The following PMS2 variants were observed in gnomAD, a reference collection of about 807,000 sequenced individuals.
The protein encoded by PMS2 is mismatch repair endonuclease PMS2.
PMS2 carries 69 observed loss-of-function variants against 90.0 expected under a neutral mutation model. The ratio of observed to expected loss-of-function variants is 0.77; its 90% confidence interval spans 0.63 to 0.94. The LOEUF (loss-of-function observed/expected upper bound fraction) is 0.94. Among genes scored for constraint, PMS2 ranks in the 40% least tolerant of loss-of-function variants. The pLI is 0.00. For synonymous variants in PMS2, 332 were observed against 375.1 expected (o/e 0.89, Z 1.33); for missense variants, 966 against 1,040.2 (o/e 0.93, Z 0.98).
At position 6,002,366 on chromosome 7, in the gene PMS2, A is replaced by G; in HGVS notation, c.537+87T>C. 8 of 868,380 alleles carry G rather than the reference A, an allele frequency of 9.2e-6. No homozygotes were observed. In the South Asian group the frequency reaches 1.1e-4, roughly 12 times the overall value. 53.8% of individuals were successfully genotyped at this position (868,380 alleles called of 1,614,324 possible). A position where few individuals can be genotyped will look rare whatever the true frequency, so the allele number is the denominator to read the frequency against. Reference sequence around the variant, plus strand: ...TTTCTCAATAATTTATGGGAAGAGAATCAACTGAAGAATAAACATCTTTAG... The same window carrying G: ...TTTCTCAATAATTTATGGGAAGAGAGTCAACTGAAGAATAAACATCTTTAG... On this transcript the variant is annotated intron_variant, in intron 5 of 14. Transcript: ENST00000265849.
rs1280423254 is a variant in PMS2, at chr7:6,002,477, C to T, written c.513G>A (p.Lys171=). Residue 171 remains lysine, a synonymous_variant, in exon 5 of 15, where the codon AAG becomes AAA. Transcript: ENST00000265849. ...CCTTCTTAATATTCCTTTGAAATTCCTTATGGCGCACAGGTAGTGTGGAAA... is the reference window on the plus strand; with the variant it reads ...CCTTCTTAATATTCCTTTGAAATTCTTTATGGCGCACAGGTAGTGTGGAAA... ...QLFSTLPVRH[K]EFQRNIKKEY... 1.9e-6 allele frequency: 3 copies of T among 1,610,990 alleles called. No homozygotes were observed. In the Admixed American group the frequency reaches 5.0e-5, roughly 27 times the overall value.
intron 8 of PMS2, among the ~76,000 whole-genome samples, chr7:5,994,365 G>A (rs759156396): frequency 1.4e-4 from 21 of 150,908 alleles, no homozygotes; most frequent in Non-Finnish European, 2.2e-4. Context: ...TGGCCAACAG[G>A]GCGAGACTCC....
At chr7:5,980,966 G>A (rs1469971097) in intron 12 of PMS2, among the ~76,000 whole-genome samples, 4 of 151,672 alleles carry the variant, frequency 2.6e-5, no homozygotes, top group Non-Finnish European at 5.9e-5. Context: ...AGAGTACTCA[G>A]CAAACTACAC....
At position 5,973,554 on chromosome 7, in the gene PMS2, A is replaced by T. The variant is rs1781513491; in HGVS notation, c.2446-12T>A. 2.0e-6 allele frequency: 1 copy of T among 505,268 alleles called. No homozygotes were observed. Among genetic ancestry groups the T allele is most frequent in the East Asian group, 3.6e-5 (1 of 27,728 alleles). 31.3% of individuals were successfully genotyped at this position (505,268 alleles called of 1,614,324 possible). A position where few individuals can be genotyped will look rare whatever the true frequency, so the allele number is the denominator to read the frequency against. ...GTCCCAATCATCACCTGAGTGTGAG[A>T]CACAATGGTTCAACGTTTTAGTAGT... On this transcript the variant is annotated splice_polypyrimidine_tract_variant and intron_variant, in intron 14 of 14. Transcript: ENST00000265849.
Position 5,987,170 on chromosome 7 carries a change from T to C in PMS2, c.1595A>G (p.His532Arg), listed in dbSNP as rs1554297505. The change falls in exon 11 of 15, where the codon CAT (histidine) becomes CGT (arginine). Residue 532 changes from histidine to arginine, a missense_variant. Transcript: ENST00000265849. ...SSPGDRGSQEHVDSQEKAPKT... is the reference protein window; with the variant it reads ...SSPGDRGSQERVDSQEKAPKT... ...AGGCGCTTTCTCCTGAGAGTCCACATGTTCCTGCGAGCCCCTGTCCCCTGG... is the reference window on the plus strand; with the variant it reads ...AGGCGCTTTCTCCTGAGAGTCCACACGTTCCTGCGAGCCCCTGTCCCCTGG... 3.1e-6 allele frequency: 5 copies of C among 1,614,006 alleles called. No individual in the cohort carries two copies. The highest frequency in any genetic ancestry group is 4.2e-6 in the Non-Finnish European group (5 of 1,179,940).
At position 6,009,008 on chromosome 7, in the gene PMS2, A is replaced by C. The variant is rs776136427; in HGVS notation, c.12T>G (p.Ala4=). The C allele has an allele frequency of 6.8e-6, 11 of 1,612,462 alleles. No individual in the cohort carries two copies. In the African/African-American group the frequency reaches 1.2e-4, roughly 18 times the overall value. The change falls in exon 1 of 15, where the codon GCT becomes GCG. Residue 4 remains alanine (A), a synonymous_variant. Coordinates refer to ENST00000265849, the MANE Select transcript of PMS2 (RefSeq NM_000535.7). The part of the protein sequence containing the change: MER[A]ESSSTEPAKA... ...CGAGCCCCGCTCACCTCGAGCTCTCAGCTCGCTCCATGGATGCAACACCCG... is the reference window on the plus strand; with the variant it reads ...CGAGCCCCGCTCACCTCGAGCTCTCCGCTCGCTCCATGGATGCAACACCCG...
chr7:5,995,187 A>G (rs2881030), intron 8 of PMS2, among the ~76,000 whole-genome samples: 88,383 of 151,354 alleles, frequency 0.58, 26,550 homozygotes, highest in East Asian at 0.79. Flanking sequence ...ACAGGCGTGG[A>G]ACACCATGCC....
rs730881908 is a variant in PMS2 at position 5,999,166 on chromosome 7, C to A, written c.647G>T (p.Cys216Phe). Residue 216 changes from cysteine to phenylalanine, a missense_variant, in exon 6 of 15, where the codon TGC becomes TTC. By Grantham distance (205) the Cys-to-Phe change is radical. Transcript: ENST00000265849. ...LGQGKRQPVVCTGGSPSIKEN... is the reference protein window; with the variant it reads ...LGQGKRQPVVFTGGSPSIKEN... ...CTTTATGCTGGGGCTTCCACCTGTGCATACCACAGGCTGTCGTTTTCCTTG... is the reference window on the plus strand; with the variant it reads ...CTTTATGCTGGGGCTTCCACCTGTGAATACCACAGGCTGTCGTTTTCCTTG... 7 of 1,613,948 alleles carry A rather than the reference C, an allele frequency of 4.3e-6. No individual in the cohort carries two copies. The highest frequency in any genetic ancestry group is 5.9e-6 in the Non-Finnish European group (7 of 1,179,960).
intron 9 of PMS2, among the ~76,000 whole-genome samples, chr7:5,990,389 C>A (rs571571295): frequency 6.6e-6 from 1 of 152,136 alleles, no homozygotes; most frequent in Non-Finnish European, 1.5e-5. Flanking sequence ...AAAAACATTA[C>A]AGTGTCCAGG....
chr7:6,000,919 A>G (rs908044992), intron 5 of PMS2, among the ~76,000 whole-genome samples: 4 of 152,172 alleles, frequency 2.6e-5, no homozygotes, highest in African/African-American at 4.8e-5. Flanking sequence ...TGAACCCAGG[A>G]GGTGGAGGTT....
In PMS2 at chr7:5,973,330, A is replaced by G; in HGVS notation, c.*69T>C. The G allele has an allele frequency of 7.5e-7, 1 of 1,335,602 alleles. No homozygotes were observed. Among genetic ancestry groups the G allele is most frequent in the Non-Finnish European group, 1.0e-6 (1 of 954,166 alleles). The allele number at this position is 1,335,602 out of a possible 1,614,324, so 82.7% of individuals were successfully genotyped here. A position where few individuals can be genotyped will look rare whatever the true frequency, so the allele number is the denominator to read the frequency against. On this transcript the variant is annotated 3_prime_UTR_variant, in exon 15 of 15. Transcript: ENST00000265849. ...GGTTCATTTTAAAACAAAAAAGGTTAGTGAAGACTCTGTCTTTCAAAACAT... is the reference window on the plus strand; with the variant it reads ...GGTTCATTTTAAAACAAAAAAGGTTGGTGAAGACTCTGTCTTTCAAAACAT...
chr7:6,000,580 T>C (rs922023021), intron 5 of PMS2, among the ~76,000 whole-genome samples: 3 of 152,114 alleles, frequency 2.0e-5, no homozygotes, highest in Non-Finnish European at 4.4e-5. Flanking sequence ...CTCTGACAAA[T>C]AGAAGTTCTA....
intron 2 of PMS2, chr7:6,004,272 CT>C (rs200703702): frequency 2.2e-4 from 93 of 431,936 alleles, no homozygotes; most frequent in Middle Eastern, 6.5e-4. Flanking sequence ...TTTCTTTCCT[CT>C]TTTTTTTTCC....
intron 5 of PMS2, among the ~76,000 whole-genome samples, chr7:5,999,857 G>T (rs2128805398): frequency 6.6e-6 from 1 of 152,196 alleles, no homozygotes; most frequent in East Asian, 1.9e-4. Flanking sequence ...CTCTCCTTTT[G>T]AAATGTATCT....
At chr7:6,000,554 T>A (rs1239783838) in intron 5 of PMS2, among the ~76,000 whole-genome samples, 1 of 152,126 alleles carries the variant, frequency 6.6e-6, no homozygotes, top group African/African-American at 2.4e-5. Flanking sequence ...ATATACAAAC[T>A]GTAAATAACA....
intron 7 of PMS2, among the ~76,000 whole-genome samples, chr7:5,996,584 A>ACAAAC (rs200801067): frequency 3.3e-4 from 32 of 97,650 alleles, no homozygotes; most frequent in African/African-American, 1.6e-3. Context: ...AGCTAAAAAA[A>ACAAAC]AAAAAAATAT....
intron 4 of PMS2, chr7:6,003,478 C>A: frequency 3.5e-6 from 2 of 566,252 alleles, no homozygotes; most frequent in Non-Finnish European, 6.2e-6. Flanking sequence ...TAAGGGTAAC[C>A]ATCTTTTTAA....
chr7:6,000,418 A>G (rs573286698), intron 5 of PMS2, among the ~76,000 whole-genome samples: 2 of 151,750 alleles, frequency 1.3e-5, no homozygotes, highest in South Asian at 2.1e-4. Context: ...TCAACCACAT[A>G]CAATTCTGTA....
At chr7:6,007,097 AT>A in intron 1 of PMS2, among the ~76,000 whole-genome samples, 1 of 147,780 alleles carries the variant, frequency 6.8e-6, no homozygotes, top group Non-Finnish European at 1.5e-5. Flanking sequence ...CATTATTATT[AT>A]TATTATTATT....
Sources: allele counts gnomAD v4.1 joint callset (sites outside exome capture counted in the v4.1 genomes callset), GRCh38; gene constraint gnomAD v4.1.1; transcripts MANE v1.5; gene names NCBI Gene and HGNC (gene_info 2026-07-23, HGNC 2026-07-21).